Variants in CERS3 observed in about 807,000 individuals in gnomAD.
The protein encoded by CERS3 is LAG1 homolog, ceramide synthase 3.
CERS3 carries 33 observed loss-of-function variants against 50.3 expected under a neutral mutation model. That is an observed-to-expected ratio of 0.66 (90% CI 0.50 to 0.88). The LOEUF (loss-of-function observed/expected upper bound fraction) is 0.88. Ranked by LOEUF, CERS3 falls within the 40% of genes least tolerant of loss-of-function variation. CERS3 has a pLI of 0.00. For missense variants in CERS3, 470 were observed against 460.3 expected, an observed-to-expected ratio of 1.02 and a Z score of -0.19; for synonymous variants, 176 against 155.2, an observed-to-expected ratio of 1.13 and a Z score of -0.99.
chr15:100,429,575 G>A (rs960930094), intron 11 of CERS3, among the ~76,000 whole-genome samples: 3 of 152,044 alleles, frequency 2.0e-5, no homozygotes, highest in South Asian at 2.1e-4. Flanking sequence ...GAGCGCCCAC[G>A]CATTCCTCCA....
intron 2 of CERS3, among the ~76,000 whole-genome samples, chr15:100,503,122 G>A (rs2036061188): frequency 6.6e-6 from 1 of 152,154 alleles, no homozygotes; most frequent in South Asian, 2.1e-4. Context: ...ATCTTTTAAT[G>A]TTTAATCAGA....
chr15:100,522,871 G>C (rs771289235), intron 1 of CERS3, among the ~76,000 whole-genome samples: 1 of 152,176 alleles, frequency 6.6e-6, no homozygotes, highest in Non-Finnish European at 1.5e-5. Context: ...AGGTCATAAG[G>C]CATATGTATA....
chr15:100,439,831 T>C (rs897424197), intron 11 of CERS3, among the ~76,000 whole-genome samples: 5 of 152,214 alleles, frequency 3.3e-5, no homozygotes, highest in Non-Finnish European at 7.3e-5. Flanking sequence ...GGATTATGGC[T>C]GTGGGGGCCT....
intron 11 of CERS3, among the ~76,000 whole-genome samples, chr15:100,405,983 G>A (rs2030995020): frequency 6.6e-6 from 1 of 152,156 alleles, no homozygotes; most frequent in African/African-American, 2.4e-5. Context: ...TTTTCTTCAT[G>A]CAAGAACTCT....
In CERS3 at chr15:100,463,912, T is replaced by C. The variant is rs758119386; in HGVS notation, c.845+5466A>G. On this transcript the variant is annotated intron_variant, in intron 10 of 11. Coordinates refer to ENST00000679737, the MANE Select transcript of CERS3 (RefSeq NM_001378789.1). ...GCCTTCAGAGGAAAAGAAGGGTCCA[T>C]CATTCCCTCATCCCGGGTCCCCACT... 1.9e-4 allele frequency among the ~76,000 whole-genome samples: 29 copies of C among 152,226 alleles called. 1 individual carries two copies. Among genetic ancestry groups the C allele is most frequent in the Admixed American group, 1.4e-3 (22 of 15,274 alleles).
intron 11 of CERS3, among the ~76,000 whole-genome samples, chr15:100,419,639 GCACCA>G: frequency 6.6e-6 from 1 of 150,732 alleles, no homozygotes; most frequent in South Asian, 2.1e-4. Context: ...ATTTTTTTCA[GCACCA>G]CACCACACCT....
chr15:100,442,788 C>T (rs1402426335), intron 11 of CERS3, among the ~76,000 whole-genome samples: 1 of 152,240 alleles, frequency 6.6e-6, no homozygotes, highest in Admixed American at 6.5e-5. Context: ...ACCTCGGAAG[C>T]CCCCTAGACC....
At chr15:100,502,456 C>T (rs758025861) in intron 2 of CERS3, among the ~76,000 whole-genome samples, 4 of 152,010 alleles carry the variant, frequency 2.6e-5, no homozygotes, top group African/African-American at 7.2e-5. Context: ...ATATTATGCA[C>T]GTGTATTTTC....
Position 100,476,093 on chromosome 15 carries a change from T to C in CERS3, c.602A>G (p.Lys201Arg). 1 of 1,563,542 alleles carries C rather than the reference T, an allele frequency of 6.4e-7. No individual in the cohort carries two copies. The highest frequency in any genetic ancestry group is 8.6e-7 in the Non-Finnish European group (1 of 1,160,480). ...SLLFRLGFDV[K>R]RKDFLAHIIH... is the part of the protein sequence containing the mutation. ...TGTAAATAAGACACTTACCTTTCTC[T>C]TGACATCAAAGCCAAGTCTAAATAA... is the stretch of plus-strand genomic sequence containing the variant. The change falls in exon 8 of 12, where the codon AAG (lysine) becomes AGG (arginine). Residue 201 changes from lysine (K) to arginine (R), a missense_variant. Coordinates refer to ENST00000679737, the MANE Select transcript of CERS3 (RefSeq NM_001378789.1).
intron 1 of CERS3, among the ~76,000 whole-genome samples, chr15:100,528,570 A>G (rs1202368411): frequency 6.6e-6 from 1 of 152,006 alleles, no homozygotes; most frequent in Non-Finnish European, 1.5e-5. Flanking sequence ...CTACTACTAA[A>G]CACTTCCAAG....
Position 100,479,188 on chromosome 15 carries a change from T to A in CERS3, c.516+240A>T, listed in dbSNP as rs1596732524. ...AAGAAAATGCATCAGGTGGTACAAG[T>A]AAAAAATAAATAGTAAGATGGTAGA... is the stretch of plus-strand genomic sequence containing the variant. On this transcript the variant is annotated intron_variant, in intron 7 of 11. Transcript: ENST00000679737. Among the ~76,000 whole-genome samples the A allele has an allele frequency of 2.0e-5, 3 of 151,888 alleles. No individual in the cohort carries two copies. In the South Asian group the frequency reaches 6.2e-4, roughly 32 times the overall value.
chr15:100,475,621 G>T (rs2035102319), intron 8 of CERS3, among the ~76,000 whole-genome samples: 1 of 152,156 alleles, frequency 6.6e-6, no homozygotes, highest in African/African-American at 2.4e-5. Context: ...TGCACATAAA[G>T]CAAAGCTAAT....
upstream of CERS3, among the ~76,000 whole-genome samples, chr15:100,530,778 G>A (rs544580258): frequency 1.9e-4 from 29 of 152,262 alleles, no homozygotes; most frequent in African/African-American, 5.5e-4. Flanking sequence ...AATTAAACAA[G>A]CCAAAAGAAT....
intron 11 of CERS3, among the ~76,000 whole-genome samples, chr15:100,412,181 AT>A (rs1197234762): frequency 2.8e-4 from 42 of 152,052 alleles, no homozygotes; most frequent in Non-Finnish European, 1.8e-4. Flanking sequence ...CCAATAAATT[AT>A]TTGCCCTATG....
intron 11 of CERS3, among the ~76,000 whole-genome samples, chr15:100,442,679 G>A (rs2033731626): frequency 6.6e-6 from 1 of 152,184 alleles, no homozygotes; most frequent in African/African-American, 2.4e-5. Context: ...TCACCTGGCA[G>A]CCACTCCCAG....
chr15:100,482,609 T>A (rs2035343543), intron 5 of CERS3, among the ~76,000 whole-genome samples: 1 of 28,242 alleles, frequency 3.5e-5, no homozygotes, highest in African/African-American at 5.5e-5. Flanking sequence ...ATTTTTTTTT[T>A]TTAAAAAAAA....
chr15:100,456,498 A>C (rs535661933), intron 10 of CERS3, among the ~76,000 whole-genome samples: 1 of 152,364 alleles, frequency 6.6e-6, no homozygotes, highest in Non-Finnish European at 1.5e-5. Flanking sequence ...TACATTTTCC[A>C]AATAAAAGAA....
intron 1 of CERS3, among the ~76,000 whole-genome samples, chr15:100,522,217 G>T (rs1299010780): frequency 6.6e-6 from 1 of 152,202 alleles, no homozygotes; most frequent in African/African-American, 2.4e-5. Context: ...ATTACAGTTT[G>T]TCATAGCACA....
At chr15:100,437,105 G>A (rs564393278) in intron 11 of CERS3, among the ~76,000 whole-genome samples, 8 of 152,014 alleles carry the variant, frequency 5.3e-5, no homozygotes, top group East Asian at 3.9e-4. Context: ...CACCATGCCC[G>A]GCTAATTTTT....
Sources: allele counts gnomAD v4.1 joint callset (sites outside exome capture counted in the v4.1 genomes callset), GRCh38; gene constraint gnomAD v4.1.1; transcripts MANE v1.5; gene names NCBI Gene and HGNC (gene_info 2026-07-23, HGNC 2026-07-21).